SERPINB3: variants seen among roughly 807,000 people sequenced by gnomAD.
SERPINB3 encodes serpin B3.
In SERPINB3, 33 loss-of-function variants were observed where a neutral mutation model predicts 33.0. The ratio of observed to expected loss-of-function variants is 1.00; its 90% CI spans 0.76 to 1.34. The LOEUF is 1.34. SERPINB3 is among the 40% of genes most tolerant of loss of function. SERPINB3 has a pLI of 0.00. For missense variants in SERPINB3, 518 were observed against 461.5 expected (o/e 1.12, Z -1.12); for synonymous variants, 200 against 170.9 (o/e 1.17, Z -1.33).
chr18:63,655,757 G>T lies in SERPINB3; in HGVS notation c.1073C>A (p.Ser358Ter), dbSNP rs1293491618. ...AVVGFGSSPTSTNEEFHCNHP... is the reference protein window; with the variant it reads ...AVVGFGSSPT ...ATTACAATGGAACTCTTCATTAGTT[G>T]AAGTAGGTGATGATCCGAATCCTAC... Residue 358 changes from serine (S) to a stop codon, truncating the protein, a stop_gained, in exon 8 of 8, where the codon TCA becomes TAA. Coordinates refer to ENST00000283752, the MANE Select transcript of SERPINB3 (RefSeq NM_006919.3). LOFTEE classifies it low-confidence loss of function (END_TRUNC). The T allele has an allele frequency of 3.7e-6, 6 of 1,613,346 alleles. No individual in the cohort carries two copies. Among genetic ancestry groups the T allele is most frequent in the African/African-American group, 1.3e-5 (1 of 74,366 alleles).
chr18:63,655,840 G>A lies in SERPINB3; in HGVS notation c.990C>T (p.His330=), dbSNP rs1045467194. The A allele has an allele frequency of 6.2e-7, 1 of 1,613,992 alleles. No homozygotes were observed. Among genetic ancestry groups the A allele is most frequent in the Admixed American group, 1.7e-5 (1 of 59,984 alleles). The change falls in exon 8 of 8, where the codon CAC becomes CAT. Residue 330 remains histidine, a synonymous_variant. Coordinates refer to ENST00000283752, the MANE Select transcript of SERPINB3 (RefSeq NM_006919.3). ...SRGLVLSGVL[H]KAFVEVTEEG... Reference sequence around the variant, plus strand: ...CCTCTGTAACCTCCACAAAGGCCTTGTGTAGGACTCCAGATAGCACGAGAC... The same window carrying A: ...CCTCTGTAACCTCCACAAAGGCCTTATGTAGGACTCCAGATAGCACGAGAC...
intron 5 of SERPINB3, among the ~76,000 whole-genome samples, chr18:63,658,090 G>T (rs1272907811): frequency 2.6e-5 from 4 of 152,086 alleles, no homozygotes; most frequent in African/African-American, 9.7e-5. Flanking sequence ...AGTTCAGATG[G>T]CAAAAGGGTG....
intron 3 of SERPINB3, 128 bp from the exon 4 acceptor site, chr18:63,659,655 A>AT (rs1156944952): frequency 5.5e-6 from 7 of 1,269,262 alleles, no homozygotes; most frequent in Non-Finnish European, 7.7e-6. Context: ...TTATTCCCTG[A>AT]TACTTGGTGT....
At position 63,655,989 on chromosome 18, in the gene SERPINB3, C is replaced by G. The variant is rs143634391; in HGVS notation, c.841G>C (p.Asp281His). 2 of 1,613,824 alleles carry G rather than the reference C, an allele frequency of 1.2e-6. No individual in the cohort carries two copies. Among genetic ancestry groups the G allele is most frequent in the African/African-American group, 2.7e-5 (2 of 74,902 alleles). ...ACTTTGAACCGAGGTAAGTGTAAAT[C>G]GACACGTGTCTCTCTCATATTCTGC... ...SLQNMRETRV[D>H]LHLPRFKVEE... is the part of the protein sequence containing the mutation. Residue 281 changes from aspartate (D) to histidine (H), a missense_variant, in exon 8 of 8, where the codon GAT becomes CAT. By Grantham distance (81) the Asp-to-His change is moderately conservative. Coordinates refer to ENST00000283752, the MANE Select transcript of SERPINB3 (RefSeq NM_006919.3).
chr18:63,657,426 A>G lies in SERPINB3; in HGVS notation c.470-14T>C, dbSNP rs769232899. ...TTTTAATTTTTTCTGCAAGGGAAAG[A>G]ATAAAAGAGTCTTTTACACAAGCTA... On this transcript the variant is annotated splice_polypyrimidine_tract_variant and intron_variant, in intron 5 of 7. Coordinates refer to ENST00000283752, the MANE Select transcript of SERPINB3 (RefSeq NM_006919.3). The G allele has an allele frequency of 6.3e-6, 10 of 1,583,906 alleles. No individual in the cohort carries two copies. Among genetic ancestry groups the G allele is most frequent in the Non-Finnish European group, 1.7e-6 (2 of 1,165,126 alleles).
At chr18:63,659,351 A>T in intron 4 of SERPINB3, 48 bp downstream of exon 4, 3 of 1,594,518 alleles carry the variant, frequency 1.9e-6, no homozygotes, top group Non-Finnish European at 2.6e-6. Flanking sequence ...ACTCAGAGAC[A>T]CAGACATCAG....
Position 63,656,979 on chromosome 18 carries a change from T to A in SERPINB3, c.620A>T (p.Tyr207Phe), listed in dbSNP as rs753471125. 1 of 1,605,390 alleles carries A rather than the reference T, an allele frequency of 6.2e-7. No homozygotes were observed. The highest frequency in any genetic ancestry group is 1.7e-5 in the Admixed American group (1 of 59,686). The change falls in exon 7 of 8, where the codon TAC (tyrosine) becomes TTC (phenylalanine). Residue 207 changes from tyrosine (Y) to phenylalanine (F), a missense_variant. Transcript: ENST00000283752. ...TTGCCTCATCATCTGTATGGACTTG[T>A]ATGTATTCTACAATAAATCAATGTG... ...EEKFWPNKNT[Y>F]KSIQMMRQYT...
chr18:63,657,420 G>A lies in SERPINB3; in HGVS notation c.470-8C>T, dbSNP rs573345554. The A allele has an allele frequency of 1.1e-5, 17 of 1,588,010 alleles. No homozygotes were observed. The South Asian group carries it at 1.9e-4, about 17-fold the overall frequency. On this transcript the variant is annotated splice_polypyrimidine_tract_variant and splice_region_variant and intron_variant, in intron 5 of 7. Coordinates refer to ENST00000283752, the MANE Select transcript of SERPINB3 (RefSeq NM_006919.3). ...TTAGGTTTTTAATTTTTTCTGCAAG[G>A]GAAAGAATAAAAGAGTCTTTTACAC...
At chr18:63,660,720 C>G in intron 3 of SERPINB3, 80 bp downstream of exon 3, 2 of 1,592,768 alleles carry the variant, frequency 1.3e-6, no homozygotes. Flanking sequence ...ATGGCCTTTT[C>G]TTAGTTTCTG....
chr18:63,655,876 G>A lies in SERPINB3; in HGVS notation c.954C>T (p.Thr318=), dbSNP rs753692328. 1.7e-5 allele frequency: 28 copies of A among 1,613,784 alleles called. No individual in the cohort carries two copies. Among genetic ancestry groups the A allele is most frequent in the East Asian group, 4.5e-5 (2 of 44,874 alleles). The part of the protein sequence containing the change: ...FNGDADLSGM[T]GSRGLVLSGV... ...CAGATAGCACGAGACCGCGGCTCCC[G>A]GTCATGCCTGAGAGGTCTGCATCCC... Residue 318 remains threonine (T), a synonymous_variant, in exon 8 of 8, where the codon ACC becomes ACT. Coordinates refer to ENST00000283752, the MANE Select transcript of SERPINB3 (RefSeq NM_006919.3).
rs2144490379 is a variant in SERPINB3 at position 63,655,625 on chromosome 18, AT to A, written c.*31del. 6.4e-7 allele frequency: 1 copy of A among 1,562,622 alleles called. No homozygotes were observed. Among genetic ancestry groups the A allele is most frequent in the Non-Finnish European group, 8.7e-7 (1 of 1,150,716 alleles). Reference sequence around the variant, plus strand: ...TTTACCAGAACATCTGCAGGTGAACATTTTCCAAATGGAGTGACAGACTAAT... The same window carrying A: ...TTTACCAGAACATCTGCAGGTGAACATTTCCAAATGGAGTGACAGACTAAT... On this transcript the variant is annotated 3_prime_UTR_variant, in exon 8 of 8. Coordinates refer to ENST00000283752, the MANE Select transcript of SERPINB3 (RefSeq NM_006919.3).
In SERPINB3 at chr18:63,656,454, T is replaced by G. The variant is rs372047158; in HGVS notation, c.768+377A>C. Among the ~76,000 whole-genome samples the G allele has an allele frequency of 2.6e-5, 4 of 152,214 alleles. No individual in the cohort carries two copies. In the East Asian group the frequency reaches 7.7e-4, roughly 29 times the overall value. On this transcript the variant is annotated intron_variant, in intron 7 of 7. Coordinates refer to ENST00000283752, the MANE Select transcript of SERPINB3 (RefSeq NM_006919.3). ...CATCTTATTTTTCTGTATACATTAT[T>G]TAGTACACATTGCAATTATTAAATT...
intron 4 of SERPINB3, among the ~76,000 whole-genome samples, chr18:63,659,151 T>C (rs377364081): frequency 1.3e-5 from 2 of 152,278 alleles, no homozygotes; most frequent in South Asian, 4.1e-4. Context: ...TTATTACTCT[T>C]ACTCACTCTA....
rs1406949270 is a variant in SERPINB3, at chr18:63,656,947, A to G, written c.652T>C (p.Ser218Pro). The stretch of plus-strand genomic sequence containing the variant: ...TCCTCCAGCGAGGCAAAATGAAAAG[A>G]TGTGTATTGCCTCATCATCTGTATG... The part of the protein sequence containing the change: ...KSIQMMRQYT[S>P]FHFASLEDVQ... Residue 218 changes from serine to proline, a missense_variant, in exon 7 of 8, where the codon TCT (serine) becomes CCT (proline). Physicochemically the swap from Ser to Pro is moderately conservative, Grantham distance 74. Coordinates refer to ENST00000283752, the MANE Select transcript of SERPINB3 (RefSeq NM_006919.3). The G allele has an allele frequency of 1.2e-6, 2 of 1,613,278 alleles. No homozygotes were observed. The highest frequency in any genetic ancestry group is 1.7e-6 in the Non-Finnish European group (2 of 1,179,492).
chr18:63,660,899 G>A, intron 2 of SERPINB3, 43 bp from the exon 3 acceptor site: 2 of 1,612,880 alleles, frequency 1.2e-6, no homozygotes, highest in Non-Finnish European at 1.7e-6. Flanking sequence ...TTACTCAAAA[G>A]ATCTGTTTAA....
chr18:63,657,911 C>T (rs960903479), intron 5 of SERPINB3, among the ~76,000 whole-genome samples: 5 of 151,864 alleles, frequency 3.3e-5, no homozygotes, highest in Admixed American at 2.6e-4. Flanking sequence ...GGGTATCTTC[C>T]TATTCACTCT....
At chr18:63,659,803 T>G (rs1913595046) in intron 3 of SERPINB3, among the ~76,000 whole-genome samples, 2 of 152,244 alleles carry the variant, frequency 1.3e-5, no homozygotes, top group South Asian at 4.1e-4. Flanking sequence ...TTGTCCTTGT[T>G]GGTTTAAAGG....
At chr18:63,658,397 T>C (rs1293285592) in intron 5 of SERPINB3, 116 bp downstream of exon 5, 2 of 835,338 alleles carry the variant, frequency 2.4e-6, no homozygotes, top group Non-Finnish European at 3.9e-6. Flanking sequence ...TGCCCTCTTC[T>C]TCCCTCCCTG....
chr18:63,658,902 C>T (rs1913568353), intron 4 of SERPINB3, among the ~76,000 whole-genome samples: 1 of 152,116 alleles, frequency 6.6e-6, no homozygotes, highest in African/African-American at 2.4e-5. Flanking sequence ...GAGCAGGCTT[C>T]CCTGAAGGAG....
Sources: allele counts gnomAD v4.1 joint callset (sites outside exome capture counted in the v4.1 genomes callset), GRCh38; gene constraint gnomAD v4.1.1; transcripts MANE v1.5; gene names NCBI Gene and HGNC (gene_info 2026-07-23, HGNC 2026-07-21).